The following ZNF224 variants were observed in gnomAD, a reference collection of about 807,000 sequenced individuals.
The protein encoded by ZNF224 is bone marrow zinc finger 2.
ZNF224 carries 8 observed loss-of-function variants against 10.5 expected under a neutral mutation model. That is an observed-to-expected ratio of 0.76 (90% CI 0.45 to 1.37). The LOEUF is 1.37. Among genes scored for constraint, ZNF224 ranks in the 40% most tolerant of loss-of-function variants. The pLI is 0.00. For missense variants in ZNF224, 754 were observed against 854.0 expected (o/e 0.88, Z 1.46); for synonymous variants, 282 against 287.8 (o/e 0.98, Z 0.20).
intron 5 of ZNF224, among the ~76,000 whole-genome samples, chr19:44,103,609 A>C (rs1967589529): frequency 6.6e-6 from 1 of 152,074 alleles, no homozygotes; most frequent in Admixed American, 6.6e-5. Flanking sequence ...TTTATAGCTC[A>C]CTTTTTGTCT....
rs573543642 is a variant in ZNF224 at position 44,096,030 on chromosome 19, G to A, written c.-157-313G>A. The stretch of plus-strand genomic sequence containing the variant: ...GTTTCTTTCTTTTTGTATATTTATA[G>A]GTTTATTTATGAACATTTACAAATT... On this transcript the variant is annotated intron_variant, in intron 1 of 5. Transcript: ENST00000693561. The A allele has an allele frequency of 3.3e-5, 5 of 151,524 alleles. No individual in the cohort carries two copies. In the East Asian group the frequency reaches 9.7e-4, roughly 29 times the overall value. 9.4% of individuals were successfully genotyped at this position (151,524 alleles called of 1,614,324 possible).
At position 44,096,400 on chromosome 19, in the gene ZNF224, G is replaced by T. The variant is rs531538127; in HGVS notation, c.-100G>T. 1.3e-5 allele frequency: 2 copies of T among 152,304 alleles called. No individual in the cohort carries two copies. The highest frequency in any genetic ancestry group is 2.1e-4 in the South Asian group (1 of 4,822). The allele number at this position is 152,304 out of a possible 1,614,324, so 9.4% of individuals were successfully genotyped here. A position where few individuals can be genotyped will look rare whatever the true frequency, so the allele number is the denominator to read the frequency against. ...AGACAGCTGATTATAGCTTTCTGCA[G>T]CAAGGAAGCCCACGTACCAGGGGCT... On this transcript the variant is annotated 5_prime_UTR_variant, in exon 2 of 6. Coordinates refer to ENST00000693561, the MANE Select transcript of ZNF224 (RefSeq NM_001321645.3).
Position 44,102,577 on chromosome 19 carries a change from A to G in ZNF224, c.235+1352A>G, listed in dbSNP as rs533515282. ...TGCAGAACATGTTTTTTGTCTTCCA[A>G]TGGCCATGTATTTAATTACAATGTT... is the stretch of plus-strand genomic sequence containing the variant. On this transcript the variant is annotated intron_variant, in intron 5 of 5. Transcript: ENST00000693561. 5.3e-5 allele frequency among the ~76,000 whole-genome samples: 8 copies of G among 152,300 alleles called. No homozygotes were observed. The South Asian group carries it at 1.7e-3, about 32-fold the overall frequency.
chr19:44,101,090 T>C (rs1175547314), intron 4 of ZNF224, 43 bp from the exon 5 acceptor site: 10 of 1,611,830 alleles, frequency 6.2e-6, no homozygotes, highest in Non-Finnish European at 8.5e-6. Context: ...TGATATTACC[T>C]AGAATGTGTT....
Position 44,106,450 on chromosome 19 carries a change from A to T in ZNF224, c.290A>T (p.Glu97Val), listed in dbSNP as rs757816477. 4 of 1,614,176 alleles carry T rather than the reference A, an allele frequency of 2.5e-6. No individual in the cohort carries two copies. In the East Asian group the frequency reaches 8.9e-5, roughly 36 times the overall value. The change falls in exon 6 of 6, where the codon GAG becomes GTG. Residue 97 changes from glutamate (E) to valine (V), a missense_variant. Transcript: ENST00000693561. Reference sequence around the variant, plus strand: ...GTTTCAGAAGCAGGAACACATCAAGAGTGGTCCTTCCAGCAAATCTGGGAA... The same window carrying T: ...GTTTCAGAAGCAGGAACACATCAAGTGTGGTCCTTCCAGCAAATCTGGGAA... ...ETVSEAGTHQ[E>V]WSFQQIWEKI...
rs144032518 is a variant in ZNF224 at position 44,107,503 on chromosome 19, G to T, written c.1343G>T (p.Arg448Leu). The T allele has an allele frequency of 1.2e-6, 2 of 1,605,104 alleles. No homozygotes were observed. The highest frequency in any genetic ancestry group is 2.7e-5 in the African/African-American group (2 of 74,366). ...AGGTTGGATCTTGACTTTCACCAGC[G>T]CGTCCATACAGGAGAGAAACTGTAT... ...KRRLDLDFHQ[R>L]VHTGEKLYNC... The change falls in exon 6 of 6, where the codon CGC becomes CTC. Residue 448 changes from arginine to leucine, a missense_variant. Arg to Leu is a moderately radical substitution (Grantham distance 102). Transcript: ENST00000693561.
chr19:44,100,783 A>G lies in ZNF224; in HGVS notation c.16-18A>G. ...TCATTGGTCATGAGACTGAGATTGC[A>G]TATGTTTGATGCTATAGGAGGCAAT... On this transcript the variant is annotated intron_variant, in intron 3 of 5. Transcript: ENST00000693561. The G allele has an allele frequency of 6.2e-7, 1 of 1,610,516 alleles. No individual in the cohort carries two copies. Among genetic ancestry groups the G allele is most frequent in the Admixed American group, 1.7e-5 (1 of 59,718 alleles).
rs185095620 is a variant in ZNF224, at chr19:44,108,058, T to A, written c.1898T>A (p.Ile633Asn). The change falls in exon 6 of 6, where the codon ATT becomes AAT. Residue 633 changes from isoleucine to asparagine, a missense_variant. Coordinates refer to ENST00000693561, the MANE Select transcript of ZNF224 (RefSeq NM_001321645.3). ...AAATGTGAGCAGCATGGGAAGAACA[T>A]TGTACAGAATTCATTCTCTAAAGTG... Reference protein sequence around the residue: ...PLKCEQHGKNIVQNSFSKVQE... With the variant: ...PLKCEQHGKNNVQNSFSKVQE... 1 of 1,611,914 alleles carries A rather than the reference T, an allele frequency of 6.2e-7. No individual in the cohort carries two copies. Among genetic ancestry groups the A allele is most frequent in the Non-Finnish European group, 8.5e-7 (1 of 1,178,582 alleles).
Position 44,107,691 on chromosome 19 carries a change from C to T in ZNF224, c.1531C>T (p.Pro511Ser). ...SHQRVHTGEK[P>S]YKCEKCGKGY... ...TCAGAGAGTTCACACTGGAGAAAAG[C>T]CATACAAATGTGAGAAGTGTGGAAA... is the stretch of plus-strand genomic sequence containing the variant. Residue 511 changes from proline to serine, a missense_variant, in exon 6 of 6, where the codon CCA becomes TCA. Transcript: ENST00000693561. The T allele has an allele frequency of 6.2e-7, 1 of 1,613,854 alleles. No individual in the cohort carries two copies. Among genetic ancestry groups the T allele is most frequent in the Non-Finnish European group, 8.5e-7 (1 of 1,179,984 alleles).
At position 44,107,793 on chromosome 19, in the gene ZNF224, T is replaced by C. The variant is rs1466615899; in HGVS notation, c.1633T>C (p.Cys545Arg). 3 of 1,601,492 alleles carry C rather than the reference T, an allele frequency of 1.9e-6. No homozygotes were observed. In the Admixed American group the frequency reaches 5.1e-5, roughly 27 times the overall value. ...TGERPYNCKECGKSFGWASCL... is the reference protein window; with the variant it reads ...TGERPYNCKERGKSFGWASCL... Reference sequence around the variant, plus strand: ...AGAGAGACCATACAATTGTAAGGAATGTGGGAAGAGTTTTGGCTGGGCCTC... The same window carrying C: ...AGAGAGACCATACAATTGTAAGGAACGTGGGAAGAGTTTTGGCTGGGCCTC... Residue 545 changes from cysteine to arginine, a missense_variant, in exon 6 of 6, where the codon TGT (cysteine) becomes CGT (arginine). Physicochemically the swap from Cys to Arg is radical, Grantham distance 180. Transcript: ENST00000693561.
intron 3 of ZNF224, 51 bp downstream of exon 3, chr19:44,097,939 A>G: frequency 6.2e-7 from 1 of 1,605,330 alleles, no homozygotes; most frequent in Non-Finnish European, 8.5e-7. Context: ...CAGTACTTAA[A>G]TTGTCACAAG....
Position 44,107,124 on chromosome 19 carries a change from G to C in ZNF224, c.964G>C (p.Asp322His). Residue 322 changes from aspartate (D) to histidine (H), a missense_variant, in exon 6 of 6, where the codon GAT becomes CAT. Transcript: ENST00000693561. Reference sequence around the variant, plus strand: ...GAAACCATTCCGATGTGATACGTGTGATAAGAGCTTTCGTCAGAGATCAGC... The same window carrying C: ...GAAACCATTCCGATGTGATACGTGTCATAAGAGCTTTCGTCAGAGATCAGC... ...AEKPFRCDTCDKSFRQRSALN... is the reference protein window; with the variant it reads ...AEKPFRCDTCHKSFRQRSALN... The C allele has an allele frequency of 6.2e-7, 1 of 1,606,136 alleles. No homozygotes were observed. The highest frequency in any genetic ancestry group is 1.7e-5 in the Admixed American group (1 of 59,492).
At chr19:44,097,718 C>A in intron 2 of ZNF224, 88 bp from the exon 3 acceptor site, 1 of 739,354 alleles carries the variant, frequency 1.4e-6, no homozygotes, top group Non-Finnish European at 2.3e-6. Context: ...CAGTCATGTG[C>A]CAATTCACAA....
chr19:44,106,307 A>G, intron 5 of ZNF224, 89 bp from the exon 6 acceptor site: 1 of 1,383,924 alleles, frequency 7.2e-7, no homozygotes. Context: ...TATACTCATG[A>G]GAGTTTCCTG....
chr19:44,106,199 A>C, intron 5 of ZNF224, 197 bp from the exon 6 acceptor site: 2 of 604,464 alleles, frequency 3.3e-6, no homozygotes, highest in Non-Finnish European at 5.8e-6. Context: ...TTTTATTTCT[A>C]TCAAGTATTT....
chr19:44,103,198 A>C (rs1269266081), intron 5 of ZNF224, among the ~76,000 whole-genome samples: 1 of 152,200 alleles, frequency 6.6e-6, no homozygotes, highest in Non-Finnish European at 1.5e-5. Context: ...CCCTCTCAAA[A>C]TACTGACATC....
intron 5 of ZNF224, 65 bp downstream of exon 5, chr19:44,101,290 C>A: frequency 6.6e-7 from 1 of 1,521,018 alleles, no homozygotes; most frequent in East Asian, 2.3e-5. Context: ...TGTCCATGCT[C>A]AAATCCATTG....
At chr19:44,103,767 A>G (rs373092876) in intron 5 of ZNF224, among the ~76,000 whole-genome samples, 1 of 151,902 alleles carries the variant, frequency 6.6e-6, no homozygotes, top group Non-Finnish European at 1.5e-5. Flanking sequence ...CTCAGCTCAC[A>G]GCAACCTCTG....
At chr19:44,101,922 C>T (rs905140086) in intron 5 of ZNF224, among the ~76,000 whole-genome samples, 1 of 152,178 alleles carries the variant, frequency 6.6e-6, no homozygotes, top group African/African-American at 2.4e-5. Flanking sequence ...TGCCACTCTT[C>T]TTATGCCTTC....
Sources: gnomAD v4.1 joint callset for allele counts (sites outside exome capture counted in the v4.1 genomes callset) on GRCh38, gnomAD v4.1.1 for gene constraint, MANE v1.5 for transcripts, NCBI Gene and HGNC (gene_info 2026-07-23, HGNC 2026-07-21) for gene names.